BTBD9: variants seen among roughly 807,000 people sequenced by gnomAD.
BTBD9 encodes BTB/POZ domain-containing protein 9.
In BTBD9, 49 loss-of-function variants were observed where a neutral mutation model predicts 64.3. That is an observed-to-expected ratio of 0.76 (90% CI 0.61 to 0.97). The LOEUF (loss-of-function observed/expected upper bound fraction) is 0.97. BTBD9 is among the 50% of genes least tolerant of loss of function. The pLI, the probability that BTBD9 is intolerant of heterozygous loss-of-function variation, is 0.00. For synonymous variants in BTBD9, 260 were observed against 274.7 expected (o/e 0.95, Z 0.53); for missense variants, 598 against 762.1 (o/e 0.78, Z 2.53).
chr6:38,315,570 C>A (rs1763002282), intron 7 of BTBD9, among the ~76,000 whole-genome samples: 1 of 152,120 alleles, frequency 6.6e-6, no homozygotes, highest in African/African-American at 2.4e-5. Flanking sequence ...CCTTGACCCA[C>A]TGGTCATTCA....
chr6:38,262,576 A>C (rs1262138896), intron 8 of BTBD9, among the ~76,000 whole-genome samples: 1 of 152,136 alleles, frequency 6.6e-6, no homozygotes, highest in African/African-American at 2.4e-5. Context: ...GTTTACAGCA[A>C]CTAATTGCTC....
chr6:38,392,614 TAAAAAG>T (rs1439922106), intron 6 of BTBD9, among the ~76,000 whole-genome samples: 1 of 152,128 alleles, frequency 6.6e-6, no homozygotes, highest in East Asian at 1.9e-4. Context: ...TTTGCCATAC[TAAAAAG>T]AAAAAGTTTC....
chr6:38,293,805 C>G (rs989879740), intron 7 of BTBD9, among the ~76,000 whole-genome samples: 1 of 152,042 alleles, frequency 6.6e-6, no homozygotes, highest in Admixed American at 6.6e-5. Flanking sequence ...GCAACAAAAG[C>G]CAAAATTGAC....
At chr6:38,582,974 CAG>C (rs368364986) in intron 4 of BTBD9, among the ~76,000 whole-genome samples, 11 of 152,330 alleles carry the variant, frequency 7.2e-5, no homozygotes, top group African/African-American at 2.4e-4. Flanking sequence ...GTGAACTCGA[CAG>C]AGATAGGCCC....
chr6:38,386,630 CTTT>C (rs11423572), intron 6 of BTBD9, among the ~76,000 whole-genome samples: 16 of 92,766 alleles, frequency 1.7e-4, no homozygotes, highest in Middle Eastern at 6.1e-3. Flanking sequence ...CCAGTTTACT[CTTT>C]TTTTTTTTTT....
intron 6 of BTBD9, among the ~76,000 whole-genome samples, chr6:38,449,391 A>C (rs1480914964): frequency 6.6e-6 from 1 of 152,226 alleles, no homozygotes; most frequent in Non-Finnish European, 1.5e-5. Context: ...TACAGTAACC[A>C]AAACAGCACA....
At chr6:38,562,041 T>A (rs1775287654) in intron 6 of BTBD9, among the ~76,000 whole-genome samples, 1 of 152,184 alleles carries the variant, frequency 6.6e-6, no homozygotes, top group Non-Finnish European at 1.5e-5. Context: ...CAAAACAAGA[T>A]ATTAACAAAT....
chr6:38,577,475 G>T, intron 6 of BTBD9, 125 bp downstream of exon 6: 2 of 902,978 alleles, frequency 2.2e-6, no homozygotes, highest in Non-Finnish European at 1.6e-6. Flanking sequence ...TTTTACTTGG[G>T]ATATGTTTAG....
At chr6:38,612,579 A>G (rs530049615) in intron 1 of BTBD9, among the ~76,000 whole-genome samples, 36 of 152,352 alleles carry the variant, frequency 2.4e-4, no homozygotes, top group African/African-American at 8.7e-4. Context: ...TCTGGTGGCC[A>G]GTCCACAAAT....
intron 8 of BTBD9, among the ~76,000 whole-genome samples, chr6:38,268,028 G>A (rs955145119): frequency 7.2e-5 from 11 of 152,136 alleles, no homozygotes; most frequent in African/African-American, 2.4e-4. Flanking sequence ...GGCAACTATA[G>A]ATACATCACT....
chr6:38,408,561 C>A (rs952919218), intron 6 of BTBD9, among the ~76,000 whole-genome samples: 5 of 152,156 alleles, frequency 3.3e-5, no homozygotes, highest in African/African-American at 4.8e-5. Flanking sequence ...GACACCTTAG[C>A]CTTACATCAT....
chr6:38,302,026 T>C (rs867353807), intron 7 of BTBD9, among the ~76,000 whole-genome samples: 4 of 152,220 alleles, frequency 2.6e-5, no homozygotes, highest in Non-Finnish European at 5.9e-5. Flanking sequence ...TACACATTTA[T>C]GGGGTAAAGT....
chr6:38,219,059 A>G (rs527626305), intron 9 of BTBD9, among the ~76,000 whole-genome samples: 26 of 151,710 alleles, frequency 1.7e-4, no homozygotes, highest in African/African-American at 6.3e-4. Flanking sequence ...AGTGCTGCCC[A>G]GTCTATTTCT....
intron 6 of BTBD9, among the ~76,000 whole-genome samples, chr6:38,494,916 G>A (rs1237640202): frequency 6.6e-6 from 1 of 152,166 alleles, no homozygotes; most frequent in African/African-American, 2.4e-5. Flanking sequence ...TTCTTGGTCT[G>A]CCAAATAAAT....
intron 6 of BTBD9, among the ~76,000 whole-genome samples, chr6:38,476,022 A>T (rs186633130): frequency 1.6e-4 from 25 of 152,286 alleles, no homozygotes; most frequent in African/African-American, 6.0e-4. Flanking sequence ...TAAGTCTGGA[A>T]ATGTCCACTC....
intron 6 of BTBD9, among the ~76,000 whole-genome samples, chr6:38,365,015 T>C (rs1397298406): frequency 1.3e-5 from 2 of 152,152 alleles, no homozygotes; most frequent in African/African-American, 2.4e-5. Context: ...TAATCCAGTC[T>C]CCAAAGGTAT....
chr6:38,599,811 T>G (rs1410598178), intron 1 of BTBD9, among the ~76,000 whole-genome samples: 1 of 152,180 alleles, frequency 6.6e-6, no homozygotes, highest in Non-Finnish European at 1.5e-5. Flanking sequence ...CCTACCACCA[T>G]ATGCCCACCC....
At chr6:38,442,254 G>A (rs1489570806) in intron 6 of BTBD9, among the ~76,000 whole-genome samples, 2 of 152,050 alleles carry the variant, frequency 1.3e-5, no homozygotes, top group African/African-American at 2.4e-5. Context: ...TTGGGAGGCC[G>A]AGGCGGGCAG....
chr6:38,407,563 TAGTCATGCATTTAATAAA>T (rs1305034472), intron 6 of BTBD9, among the ~76,000 whole-genome samples: 4 of 152,188 alleles, frequency 2.6e-5, no homozygotes, highest in Non-Finnish European at 5.9e-5. Context: ...TGAAGAATTC[TAGTCATGCATTTAATAAA>T]AGTCATTTTC....
Sources: gnomAD v4.1 joint callset for allele counts (sites outside exome capture counted in the v4.1 genomes callset) on GRCh38, gnomAD v4.1.1 for gene constraint, MANE v1.5 for transcripts, NCBI Gene and HGNC (gene_info 2026-07-23, HGNC 2026-07-21) for gene names.